HELZ2: variants seen among roughly 807,000 people sequenced by gnomAD.
The protein encoded by HELZ2 is helicase with zinc finger 2.
A neutral mutation model predicts 208.8 loss-of-function variants in HELZ2; 143 were observed. That is an observed-to-expected ratio of 0.68 (90% CI 0.60 to 0.79). The LOEUF (loss-of-function observed/expected upper bound fraction) is 0.79. HELZ2 is among the 30% of genes least tolerant of loss of function. The pLI is 0.00. For missense variants in HELZ2, 3,690 were observed against 3,794.5 expected (o/e 0.97, Z 0.72); for synonymous variants, 1,705 against 1,693.7 (o/e 1.01, Z -0.16).
chr20:63,565,030 G>C (rs1202859968), exon 8 of HELZ2: 27 of 1,578,674 alleles, frequency 1.7e-5, no homozygotes, highest in Non-Finnish European at 2.2e-5. Flanking sequence ...GGACCCAGAA[G>C]AGCCGGCTGT....
chr20:63,563,102 G>A lies in HELZ2; in HGVS notation c.5720C>T (p.Pro1907Leu), dbSNP rs756827380. Residue 1907 changes from proline to leucine, a missense_variant, in exon 8 of 19, where the codon CCG (proline) becomes CTG (leucine). This residue lies in a region of HELZ2 where 2,564 missense variants were observed against 2,580.5 expected (regional missense o/e 0.99). Transcript: ENST00000467148. ...GTGCTCCAGGCAGAGGCTGAAGCCC[G>A]GTGCCACCGTCCAGAGCTGAGGGCT... 2.1e-5 allele frequency: 33 copies of A among 1,595,266 alleles called. No homozygotes were observed. The highest frequency in any genetic ancestry group is 1.4e-4 in the South Asian group (12 of 88,806).
At chr20:63,567,672 A>G (rs2082978260) in intron 5 of HELZ2, 45 bp from the exon 7 acceptor site, 5 of 1,561,824 alleles carry the variant, frequency 3.2e-6, no homozygotes, top group South Asian at 1.2e-5. Flanking sequence ...TGGGGGCCTC[A>G]GTGCTGTCCG....
exon 8 of HELZ2, chr20:63,563,405 C>A: frequency 1.3e-6 from 2 of 1,535,350 alleles, no homozygotes; most frequent in Non-Finnish European, 1.7e-6. Context: ...CAGGGGCGGG[C>A]TGGATCCCTG....
At chr20:63,570,647 A>ACGCCCCCCCCC in intron 2 of HELZ2, 36 bp from the exon 4 acceptor site, 2 of 1,497,372 alleles carry the variant, frequency 1.3e-6, no homozygotes, top group Non-Finnish European at 1.8e-6. Context: ...AGAGGCCTGG[A>ACGCCCCCCCCC]CCCCACCCCA....
intron 15 of HELZ2, 30 bp from the exon 17 acceptor site, chr20:63,560,727 G>A: frequency 6.2e-7 from 1 of 1,604,498 alleles, no homozygotes; most frequent in South Asian, 1.1e-5. Context: ...CTGGTCAGAG[G>A]CTGCCACGCG....
chr20:63,564,928 G>A, exon 8 of HELZ2: 2 of 1,611,398 alleles, frequency 1.2e-6, no homozygotes, highest in South Asian at 1.1e-5. Context: ...GGCCGAGGAT[G>A]CGGAGGCCCT....
chr20:63,571,560 C>T (rs2083016144), intron 1 of HELZ2: 1 of 223,030 alleles, frequency 4.5e-6, no homozygotes. Context: ...ACGGTGGGCT[C>T]CTGCCCTGCT....
At chr20:63,567,232 G>T in exon 6 of HELZ2, 2 of 1,607,954 alleles carry the variant, frequency 1.2e-6, no homozygotes, top group Non-Finnish European at 8.5e-7. Flanking sequence ...GGCCGCCCGG[G>T]CCCTGGCCAC....
At chr20:63,572,175 C>T (rs529095949) in exon 1 of HELZ2, 44 of 1,610,230 alleles carry the variant, frequency 2.7e-5, no homozygotes, top group African/African-American at 4.0e-5. Flanking sequence ...AGGGCCTGGT[C>T]GAAGGCCACC....
chr20:63,564,784 G>A (rs1600974876), exon 8 of HELZ2: 4 of 1,611,834 alleles, frequency 2.5e-6, no homozygotes, highest in Admixed American at 3.3e-5. Context: ...CGCCCTGGGG[G>A]TCCACAGTGA....
At chr20:63,568,528 C>T in exon 5 of HELZ2, 2 of 1,582,598 alleles carry the variant, frequency 1.3e-6, no homozygotes, top group East Asian at 4.6e-5. Context: ...CCACGGCCAG[C>T]TCCTGCTTGC....
chr20:63,565,533 TGTCCAGCAGCCC>T (rs2082943539), exon 8 of HELZ2: 1 of 1,606,152 alleles, frequency 6.2e-7, no homozygotes, highest in Non-Finnish European at 8.5e-7. Context: ...CTGGCGACAG[TGTCCAGCAGCCC>T]GTCCTCCCCG....
At chr20:63,569,731 G>T in intron 3 of HELZ2, 66 bp from the exon 5 acceptor site, 1 of 1,428,046 alleles carries the variant, frequency 7.0e-7, no homozygotes, top group South Asian at 1.4e-5. Flanking sequence ...GAGGCAGCCT[G>T]GCCAGCGTAG....
At position 63,563,644 on chromosome 20, in the gene HELZ2, G is replaced by C. The variant is rs373195523; in HGVS notation, c.5178C>G (p.Ser1726Arg). ...CCTTGAGCTGCACGGCCAGGTGCAG[G>C]CTGCGCGCCCGCCGCTGATAGCTCT... Residue 1726 changes from serine to arginine, a missense_variant, in exon 8 of 19, where the codon AGC (serine) becomes AGG (arginine). Coordinates refer to ENST00000467148, the Ensembl canonical transcript of HELZ2. 9 of 1,546,052 alleles carry C rather than the reference G, an allele frequency of 5.8e-6. No individual in the cohort carries two copies. The East Asian group carries it at 2.2e-4, about 37-fold the overall frequency.
rs752154876 is a variant in HELZ2, at chr20:63,561,922, G to C, written c.6592C>G (p.Gln2198Glu). The change falls in exon 11 of 19, where the codon CAG (glutamine) becomes GAG (glutamate). Residue 2198 changes from glutamine to glutamate, a missense_variant. Coordinates refer to ENST00000467148, the Ensembl canonical transcript of HELZ2. ...CGGGGGGGGCCTCCGGGCTGCACCT[G>C]CTCCTGGTTTGATTTATGAAACCAG... 9.4e-6 allele frequency: 15 copies of C among 1,596,852 alleles called. No individual in the cohort carries two copies. The highest frequency in any genetic ancestry group is 1.7e-4 in the Middle Eastern group (1 of 6,028).
Position 63,565,065 on chromosome 20 carries a change from C to G in HELZ2, c.3757G>C (p.Glu1253Gln), listed in dbSNP as rs778485172. The G allele has an allele frequency of 1.3e-6, 2 of 1,563,336 alleles. No homozygotes were observed. Among genetic ancestry groups the G allele is most frequent in the Non-Finnish European group, 1.7e-6 (2 of 1,153,360 alleles). ...TGCCGGGCCTCGGCGGTGAGCCTCT[C>G]AAGCCCCACACGCTGCAGCCGGCCC... The change falls in exon 8 of 19, where the codon GAG becomes CAG. Residue 1253 changes from glutamate to glutamine, a missense_variant. Physicochemically the swap from Glu to Gln is conservative, Grantham distance 29. Transcript: ENST00000467148.
chr20:63,567,349 G>A, exon 6 of HELZ2: 2 of 1,604,814 alleles, frequency 1.2e-6, no homozygotes, highest in Non-Finnish European at 1.7e-6. Context: ...CAGCATCTGG[G>A]CCGCCTCATC....
chr20:63,559,187 G>A (rs1242206491), downstream of HELZ2: 7 of 1,454,020 alleles, frequency 4.8e-6, no homozygotes, highest in Non-Finnish European at 6.4e-6. Flanking sequence ...GGTGGGGAGG[G>A]TGGGGGGGCC....
chr20:63,561,326 C>CA (rs1569028544), intron 13 of HELZ2, 24 bp downstream of exon 14: 2 of 1,612,702 alleles, frequency 1.2e-6, no homozygotes, highest in South Asian at 2.2e-5. Flanking sequence ...CAGGCAGCTC[C>CA]ACCCCCTGGC....
Sources: gnomAD v4.1 joint callset for allele counts on GRCh38, gnomAD v4.1.1 for gene constraint, gnomAD v4.1.1 regional missense constraint, MANE v1.5 for transcripts, NCBI Gene and HGNC (gene_info 2026-07-23, HGNC 2026-07-21) for gene names.